SH3RF3: variants seen among roughly 807,000 people sequenced by gnomAD.
SH3RF3 encodes SH3 domain containing ring finger 3, also known as E3 ubiquitin-protein ligase SH3RF3.
SH3RF3 carries 29 observed loss-of-function variants against 66.3 expected under a neutral mutation model. The ratio of observed to expected loss-of-function variants is 0.44; its 90% CI spans 0.33 to 0.60. The LOEUF (loss-of-function observed/expected upper bound fraction) is 0.60, where lower values mean the gene tolerates loss of function less well. SH3RF3 is among the 20% of genes least tolerant of loss of function. SH3RF3 has a pLI of 0.04. For synonymous variants in SH3RF3, 583 were observed against 532.0 expected, an observed-to-expected ratio of 1.10 and a Z score of -1.32; for missense variants, 1,194 against 1,190.9, an observed-to-expected ratio of 1.00 and a Z score of -0.04.
At chr2:109,147,532 T>C (rs1677127863) in intron 1 of SH3RF3, among the ~76,000 whole-genome samples, 1 of 152,332 alleles carries the variant, frequency 6.6e-6, no homozygotes, top group African/African-American at 2.4e-5. Flanking sequence ...TAGCACTAAA[T>C]GGAATGCTAA....
intron 1 of SH3RF3, among the ~76,000 whole-genome samples, chr2:109,306,971 C>T (rs755906211): frequency 3.9e-5 from 6 of 152,142 alleles, no homozygotes; most frequent in Non-Finnish European, 7.3e-5. Flanking sequence ...AATTGCTTGC[C>T]GCTTGGCATG....
chr2:109,182,271 G>C (rs80097433), intron 1 of SH3RF3, among the ~76,000 whole-genome samples: 1 of 152,152 alleles, frequency 6.6e-6, no homozygotes, highest in Non-Finnish European at 1.5e-5. Flanking sequence ...AGAAGGCATC[G>C]CATGGTGAGA....
At chr2:109,337,470 T>C (rs937250724) in intron 1 of SH3RF3, among the ~76,000 whole-genome samples, 9 of 152,182 alleles carry the variant, frequency 5.9e-5, no homozygotes, top group Non-Finnish European at 1.2e-4. Context: ...TTTCCTCAAA[T>C]GGTGATAAGG....
chr2:109,150,814 G>C (rs1334639275), intron 1 of SH3RF3, among the ~76,000 whole-genome samples: 1 of 152,098 alleles, frequency 6.6e-6, no homozygotes, highest in Non-Finnish European at 1.5e-5. Flanking sequence ...GTTCAGACTT[G>C]GGGAGAAATT....
At chr2:109,180,961 C>T (rs1678059212) in intron 1 of SH3RF3, among the ~76,000 whole-genome samples, 2 of 152,176 alleles carry the variant, frequency 1.3e-5, no homozygotes, top group Admixed American at 6.5e-5. Flanking sequence ...AATATGTTTA[C>T]CCTGATGCAA....
In SH3RF3 at chr2:109,449,159, C is replaced by T; in HGVS notation, c.1829-11C>T. 6.2e-7 allele frequency: 1 copy of T among 1,611,946 alleles called. No homozygotes were observed. ...CCTTTCAACCTGCTGTCTCTCCAACCCCGTCTCCAGCTGCCCACTCTGCAG... is the reference window on the plus strand; with the variant it reads ...CCTTTCAACCTGCTGTCTCTCCAACTCCGTCTCCAGCTGCCCACTCTGCAG... On this transcript the variant is annotated splice_polypyrimidine_tract_variant and intron_variant, in intron 7 of 9. Transcript: ENST00000309415.
rs987352077 is a variant in SH3RF3, at chr2:109,453,004, C to T, written c.2148+3515C>T. ...AGGCTATTCCCGGGAGGCTGGTCCC[C>T]GGGAAACTGGTCCCCGGGAGGCTGG... is the stretch of plus-strand genomic sequence containing the variant. On this transcript the variant is annotated intron_variant, in intron 8 of 9. Coordinates refer to ENST00000309415, the MANE Select transcript of SH3RF3 (RefSeq NM_001099289.3). Among the ~76,000 whole-genome samples, 8 of 151,844 alleles carry T rather than the reference C, an allele frequency of 5.3e-5. No homozygotes were observed. The South Asian group carries it at 6.3e-4, about 12-fold the overall frequency.
chr2:109,318,345 G>T lies in SH3RF3; in HGVS notation c.574-29329G>T, dbSNP rs867455933. On this transcript the variant is annotated intron_variant, in intron 1 of 9. Coordinates refer to ENST00000309415, the MANE Select transcript of SH3RF3 (RefSeq NM_001099289.3). ...CTCCCGGCCCCCAGCCCGGTCCCCAGTGCTTGTCCTCTGCCCACTCGCTGC... is the reference window on the plus strand; with the variant it reads ...CTCCCGGCCCCCAGCCCGGTCCCCATTGCTTGTCCTCTGCCCACTCGCTGC... Among the ~76,000 whole-genome samples the T allele has an allele frequency of 1.3e-4, 20 of 152,164 alleles. 1 individual carries two copies. In the Middle Eastern group the frequency reaches 0.014, roughly 104 times the overall value.
intron 3 of SH3RF3, among the ~76,000 whole-genome samples, chr2:109,379,413 C>T (rs1007175596): frequency 4.6e-5 from 7 of 152,112 alleles, no homozygotes; most frequent in Non-Finnish European, 7.3e-5. Flanking sequence ...CGTGGTCCCA[C>T]TCTCCAGGCG....
intron 7 of SH3RF3, among the ~76,000 whole-genome samples, chr2:109,440,790 C>T (rs1677538741): frequency 6.6e-6 from 1 of 152,140 alleles, no homozygotes; most frequent in Admixed American, 6.5e-5. Context: ...AGAGAGGCTG[C>T]AGAGCACGCC....
intron 1 of SH3RF3, among the ~76,000 whole-genome samples, chr2:109,341,860 A>T (rs1050248495): frequency 6.6e-6 from 1 of 152,204 alleles, no homozygotes; most frequent in Non-Finnish European, 1.5e-5. Context: ...CCTGCAGGCA[A>T]GGCTGGAAAA....
intron 1 of SH3RF3, among the ~76,000 whole-genome samples, chr2:109,266,997 G>A (rs1680511871): frequency 6.6e-6 from 1 of 152,122 alleles, no homozygotes. Flanking sequence ...GTCTTTATAA[G>A]ACTTGAAGAA....
intron 1 of SH3RF3, among the ~76,000 whole-genome samples, chr2:109,220,220 C>G (rs973112033): frequency 1.3e-5 from 2 of 152,142 alleles, no homozygotes; most frequent in Non-Finnish European, 2.9e-5. Context: ...ACTGGATATT[C>G]TTATGCAAAA....
intron 9 of SH3RF3, among the ~76,000 whole-genome samples, chr2:109,493,904 T>C (rs144011647): frequency 6.6e-6 from 1 of 152,258 alleles, no homozygotes; most frequent in East Asian, 1.9e-4. Context: ...CCTTCTCTCC[T>C]CCTCCTCCAC....
At position 109,488,841 on chromosome 2, in the gene SH3RF3, G is replaced by A. The variant is rs535488967; in HGVS notation, c.2149-1764G>A. ...CTGGCACGGTGCACAAGACCTTCAG[G>A]AAGTTATTGGAGGGAGAGTGAGGCA... is the stretch of plus-strand genomic sequence containing the variant. On this transcript the variant is annotated intron_variant, in intron 8 of 9. Transcript: ENST00000309415. 6.4e-4 allele frequency among the ~76,000 whole-genome samples: 98 copies of A among 152,334 alleles called. 2 individuals are homozygous for A. The South Asian group carries it at 0.014, about 22-fold the overall frequency.
chr2:109,198,953 C>A (rs1256373380), intron 1 of SH3RF3, among the ~76,000 whole-genome samples: 1 of 152,104 alleles, frequency 6.6e-6, no homozygotes, highest in African/African-American at 2.4e-5. Context: ...CTTATGGGAC[C>A]CCATGGTATA....
chr2:109,291,281 T>TC (rs1681171728), intron 1 of SH3RF3, among the ~76,000 whole-genome samples: 1 of 51,892 alleles, frequency 1.9e-5, no homozygotes, highest in Admixed American at 3.3e-4. Context: ...GAGTAATCTC[T>TC]TTTTTTTTTT....
intron 8 of SH3RF3, among the ~76,000 whole-genome samples, chr2:109,478,815 G>A (rs143282131): frequency 3.9e-5 from 6 of 152,264 alleles, no homozygotes; most frequent in Non-Finnish European, 8.8e-5. Flanking sequence ...AATGAAACCC[G>A]CTCCAGTTAC....
rs575508226 is a variant in SH3RF3, at chr2:109,293,483, C to T, written c.574-54191C>T. Among the ~76,000 whole-genome samples the T allele has an allele frequency of 2.6e-5, 4 of 152,198 alleles. No individual in the cohort carries two copies. In the South Asian group the frequency reaches 8.3e-4, roughly 32 times the overall value. ...TGCCTGCCCTACCCTGCCCCCTTCT[C>T]TCTCCACTGCCAGTGGTGGGTCAGC... On this transcript the variant is annotated intron_variant, in intron 1 of 9. Coordinates refer to ENST00000309415, the MANE Select transcript of SH3RF3 (RefSeq NM_001099289.3).
Sources: allele counts gnomAD v4.1 joint callset (sites outside exome capture counted in the v4.1 genomes callset), GRCh38; gene constraint gnomAD v4.1.1; transcripts MANE v1.5; gene names NCBI Gene and HGNC (gene_info 2026-07-23, HGNC 2026-07-21).